NELL2: variants seen among roughly 807,000 people sequenced by gnomAD.
NELL2 encodes the protein protein kinase C-binding protein NELL2.
A neutral mutation model predicts 109.6 loss-of-function variants in NELL2; 41 were observed. That is an observed-to-expected ratio of 0.37 (90% CI 0.29 to 0.49). NELL2 has a LOEUF of 0.49. Ranked by LOEUF, NELL2 falls within the 20% of genes least tolerant of loss-of-function variation. The probability of loss-of-function intolerance (pLI) is 0.98; values close to 1 mark genes in which losing one functional copy is unlikely to be tolerated. For missense variants in NELL2, 900 were observed against 1,008.3 expected (o/e 0.89, Z 1.45); for synonymous variants, 355 against 344.7 (o/e 1.03, Z -0.33).
At position 44,701,379 on chromosome 12, in the gene NELL2, A is replaced by G. The variant is rs1949224430; in HGVS notation, c.1318+2347T>C. 2.6e-5 allele frequency among the ~76,000 whole-genome samples: 4 copies of G among 152,272 alleles called. No homozygotes were observed. In the South Asian group the frequency reaches 8.3e-4, roughly 32 times the overall value. The stretch of plus-strand genomic sequence containing the variant: ...GACAATTAGTATAAAGTTGTAAAAC[A>G]TCTGTCATTGTATAGTGCATTCAAG... On this transcript the variant is annotated intron_variant, in intron 12 of 19. Transcript: ENST00000429094.
intron 9 of NELL2, among the ~76,000 whole-genome samples, chr12:44,723,891 A>T: frequency 6.6e-6 from 1 of 152,090 alleles, no homozygotes; most frequent in East Asian, 1.9e-4. Context: ...CCACTACTGG[A>T]TATATACCCA....
chr12:44,657,672 C>G (rs907877089), intron 13 of NELL2, among the ~76,000 whole-genome samples: 1 of 152,106 alleles, frequency 6.6e-6, no homozygotes, highest in East Asian at 1.9e-4. Context: ...ATGTTCCCCT[C>G]CCTGTGTCTA....
upstream of NELL2, among the ~76,000 whole-genome samples, chr12:44,878,090 T>C (rs571929967): frequency 2.6e-5 from 4 of 152,272 alleles, 1 homozygote; most frequent in African/African-American, 9.6e-5. Flanking sequence ...CATATATATT[T>C]CCACATAAAA....
chr12:44,717,624 G>T (rs1938558697), intron 9 of NELL2, among the ~76,000 whole-genome samples: 1 of 152,106 alleles, frequency 6.6e-6, no homozygotes, highest in South Asian at 2.1e-4. Flanking sequence ...AAAAGCAAGG[G>T]ATCATCATTA....
At chr12:44,515,135 C>T (rs1166784699) in intron 19 of NELL2, among the ~76,000 whole-genome samples, 1 of 151,536 alleles carries the variant, frequency 6.6e-6, no homozygotes, top group Non-Finnish European at 1.5e-5. Flanking sequence ...GTCCTAAATC[C>T]ATCAGTGTCA....
At chr12:44,622,198 C>T (rs1325154147) in intron 13 of NELL2, among the ~76,000 whole-genome samples, 1 of 152,092 alleles carries the variant, frequency 6.6e-6, no homozygotes, top group Non-Finnish European at 1.5e-5. Flanking sequence ...CTCAGAATCC[C>T]TGTAACACCC....
chr12:44,667,605 TAG>T (rs1047102679), intron 12 of NELL2, among the ~76,000 whole-genome samples: 11 of 152,238 alleles, frequency 7.2e-5, no homozygotes, highest in Non-Finnish European at 1.5e-4. Context: ...AGATGTTTAC[TAG>T]AGGAGCCTGG....
chr12:44,909,627 CA>C (rs775787599), intron 1 of NELL2, among the ~76,000 whole-genome samples: 2 of 151,598 alleles, frequency 1.3e-5, no homozygotes, highest in Non-Finnish European at 2.9e-5. Flanking sequence ...ACCAAATAGT[CA>C]AAGCAATCCT....
intron 13 of NELL2, among the ~76,000 whole-genome samples, chr12:44,626,688 C>T (rs1278546437): frequency 6.6e-6 from 1 of 152,060 alleles, no homozygotes; most frequent in African/African-American, 2.4e-5. Flanking sequence ...TCGGCTGCAT[C>T]TCTCACCAAT....
At chr12:44,652,729 T>C (rs762189752) in intron 13 of NELL2, among the ~76,000 whole-genome samples, 1 of 152,232 alleles carries the variant, frequency 6.6e-6, no homozygotes, top group Admixed American at 6.5e-5. Context: ...TAACTTGAAC[T>C]ATATTTATTT....
upstream of NELL2, chr12:44,880,764 T>G (rs563841987): frequency 1.3e-5 from 2 of 152,184 alleles, no homozygotes; most frequent in Non-Finnish European, 2.9e-5. Flanking sequence ...AATTACATGG[T>G]ATCAAGCAAA....
chr12:44,642,924 G>A (rs576988791), intron 13 of NELL2, among the ~76,000 whole-genome samples: 1 of 152,166 alleles, frequency 6.6e-6, no homozygotes, highest in South Asian at 2.1e-4. Context: ...TAGATCTCGT[G>A]TTATGTGTTC....
At chr12:44,597,961 A>G (rs1945034700) in intron 15 of NELL2, among the ~76,000 whole-genome samples, 1 of 152,124 alleles carries the variant, frequency 6.6e-6, no homozygotes, top group South Asian at 2.1e-4. Flanking sequence ...ATTTGATCCC[A>G]TTGTTCCTAC....
At chr12:44,639,777 T>C (rs1286493700) in intron 13 of NELL2, among the ~76,000 whole-genome samples, 1 of 152,118 alleles carries the variant, frequency 6.6e-6, no homozygotes, top group Non-Finnish European at 1.5e-5. Flanking sequence ...ACATCAACAG[T>C]ATCATGTCTC....
chr12:44,546,937 A>C (rs570563494), intron 15 of NELL2, among the ~76,000 whole-genome samples: 2 of 152,340 alleles, frequency 1.3e-5, no homozygotes, highest in East Asian at 1.9e-4. Flanking sequence ...TTGGCTGCTA[A>C]CTGCCAGGTA....
intron 18 of NELL2, among the ~76,000 whole-genome samples, chr12:44,521,529 C>CAA (rs56713964): frequency 9.0e-6 from 1 of 111,452 alleles, no homozygotes. Context: ...GACTCCGTCT[C>CAA]AAAAAAAAAA....
At chr12:44,851,582 T>A (rs1303800159) in intron 2 of NELL2, 1 of 152,212 alleles carries the variant, frequency 6.6e-6, no homozygotes, top group Non-Finnish European at 1.5e-5. Flanking sequence ...GTAATTTTTT[T>A]AATTTACAGC....
chr12:44,617,662 A>C (rs1254513143), intron 13 of NELL2, among the ~76,000 whole-genome samples: 2 of 128,368 alleles, frequency 1.6e-5, no homozygotes, highest in East Asian at 2.7e-4. Flanking sequence ...ACTGCACTCC[A>C]GCCTGGGCGA....
intron 3 of NELL2, among the ~76,000 whole-genome samples, chr12:44,797,882 ATGG>A (rs1942680204): frequency 2.1e-5 from 2 of 95,824 alleles, no homozygotes; most frequent in Non-Finnish European, 5.3e-5. Flanking sequence ...AGATGGAATG[ATGG>A]AATAAAACCA....
Sources: allele counts gnomAD v4.1 joint callset (sites outside exome capture counted in the v4.1 genomes callset), GRCh38; gene constraint gnomAD v4.1.1; transcripts MANE v1.5; gene names NCBI Gene and HGNC (gene_info 2026-07-23, HGNC 2026-07-21).